MDN1: variants seen among roughly 807,000 people sequenced by gnomAD.
The protein encoded by MDN1 is midasin.
A neutral mutation model predicts 669.2 loss-of-function variants in MDN1; 266 were observed. The ratio of observed to expected loss-of-function variants is 0.40; its 90% CI spans 0.36 to 0.44. MDN1 has a LOEUF of 0.44. Ranked by LOEUF, MDN1 falls within the 20% of genes least tolerant of loss-of-function variation. The pLI, the probability that MDN1 is intolerant of heterozygous loss-of-function variation, is 1.00. For missense variants in MDN1, 5,940 were observed against 6,754.0 expected (o/e 0.88, Z 4.22); for synonymous variants, 2,385 against 2,457.1 (o/e 0.97, Z 0.87).
chr6:89,702,076 T>C lies in MDN1; in HGVS notation c.8149-15A>G, dbSNP rs772191360. 2 of 1,571,414 alleles carry C rather than the reference T, an allele frequency of 1.3e-6. No homozygotes were observed. The highest frequency in any genetic ancestry group is 1.4e-5 in the African/African-American group (1 of 72,450). On this transcript the variant is annotated splice_polypyrimidine_tract_variant and intron_variant, in intron 53 of 101. Transcript: ENST00000369393. ...GAACCTAAGATCTAAAAACAAAGTCTCTTAGATAAGATGGCATGAAGAAAG... is the reference window on the plus strand; with the variant it reads ...GAACCTAAGATCTAAAAACAAAGTCCCTTAGATAAGATGGCATGAAGAAAG...
chr6:89,750,147 G>A (rs1027891938), intron 24 of MDN1, among the ~76,000 whole-genome samples: 24 of 152,102 alleles, frequency 1.6e-4, no homozygotes, highest in Non-Finnish European at 3.1e-4. Context: ...CCCTAGTCCT[G>A]TATACAGCCA....
intron 16 of MDN1, 58 bp downstream of exon 16, chr6:89,762,261 T>A (rs924913735): frequency 4.3e-6 from 6 of 1,404,032 alleles, no homozygotes; most frequent in Non-Finnish European, 5.9e-6. Flanking sequence ...AAAACTAATA[T>A]GTTAACTAAA....
chr6:89,809,711 G>A (rs1768253521), intron 1 of MDN1, among the ~76,000 whole-genome samples: 1 of 151,076 alleles, frequency 6.6e-6, no homozygotes, highest in South Asian at 2.1e-4. Flanking sequence ...AGGAAGCAGA[G>A]GTTGCAGTAA....
chr6:89,688,039 G>T, intron 67 of MDN1, 39 bp downstream of exon 67: 3 of 1,538,250 alleles, frequency 2.0e-6, no homozygotes, highest in South Asian at 2.2e-5. Context: ...TTTGCCAACT[G>T]ACCACCAACT....
At chr6:89,687,621 T>C (rs889659761) in intron 67 of MDN1, among the ~76,000 whole-genome samples, 183 bp from the exon 68 acceptor site, 1 of 152,190 alleles carries the variant, frequency 6.6e-6, no homozygotes, top group African/African-American at 2.4e-5. Flanking sequence ...ATGACAGAAC[T>C]CCACCAGAGC....
chr6:89,668,446 A>G (rs888443269), intron 83 of MDN1, among the ~76,000 whole-genome samples: 1 of 152,238 alleles, frequency 6.6e-6, no homozygotes, highest in African/African-American at 2.4e-5. Context: ...GAAGTATACT[A>G]GAAGGACAGT....
At position 89,730,745 on chromosome 6, in the gene MDN1, A is replaced by T; in HGVS notation, c.5121T>A (p.His1707Gln). Reference sequence around the variant, plus strand: ...TCTTACCCCTTGGTATAAAAAATGGATGAATTCCCCAAAGGTTATCTATTC... The same window carrying T: ...TCTTACCCCTTGGTATAAAAAATGGTTGAATTCCCCAAAGGTTATCTATTC... The part of the protein sequence containing the change: ...FTGIDNLWGI[H>Q]PFFIPRGPVL... The change falls in exon 35 of 102, where the codon CAT becomes CAA. Residue 1707 changes from histidine to glutamine, a missense_variant. Transcript: ENST00000369393. 6.2e-7 allele frequency: 1 copy of T among 1,613,134 alleles called. No homozygotes were observed. The highest frequency in any genetic ancestry group is 8.5e-7 in the Non-Finnish European group (1 of 1,179,764).
At chr6:89,790,082 C>A in intron 6 of MDN1, 77 bp downstream of exon 6, 1 of 1,603,104 alleles carries the variant, frequency 6.2e-7, no homozygotes, top group East Asian at 2.2e-5. Flanking sequence ...TTGTTATATT[C>A]CCTTAGCAAA....
intron 40 of MDN1, 52 bp from the exon 41 acceptor site, chr6:89,719,277 T>C (rs529098479): frequency 1.0e-5 from 15 of 1,454,302 alleles, no homozygotes; most frequent in Middle Eastern, 1.8e-4. Context: ...ACCTAATTCT[T>C]AGGCAAACTT....
At chr6:89,673,728 T>G (rs1164337042) in intron 79 of MDN1, among the ~76,000 whole-genome samples, 1 of 151,412 alleles carries the variant, frequency 6.6e-6, no homozygotes. Flanking sequence ...ATGATAAATT[T>G]ATTCCATTAA....
At chr6:89,714,050 A>G (rs1814152999) in intron 46 of MDN1, among the ~76,000 whole-genome samples, 2 of 148,006 alleles carry the variant, frequency 1.4e-5, no homozygotes, top group Non-Finnish European at 1.5e-5. Context: ...AAAAAAAAGA[A>G]AAAAAAAAAA....
chr6:89,805,327 A>G (rs1767946374), intron 1 of MDN1, among the ~76,000 whole-genome samples: 1 of 152,130 alleles, frequency 6.6e-6, no homozygotes, highest in Admixed American at 6.6e-5. Context: ...AGATCCCTTA[A>G]GCCGACGAGT....
intron 9 of MDN1, among the ~76,000 whole-genome samples, chr6:89,781,950 G>C (rs968025085): frequency 6.6e-6 from 1 of 152,006 alleles, no homozygotes; most frequent in East Asian, 1.9e-4. Flanking sequence ...ATGCCTAGGT[G>C]ACAGAACAAG....
intron 2 of MDN1, among the ~76,000 whole-genome samples, chr6:89,795,260 A>G (rs547922764): frequency 1.3e-5 from 2 of 152,310 alleles, no homozygotes; most frequent in South Asian, 4.1e-4. Flanking sequence ...TCAAAACCAA[A>G]TAGATACTCT....
intron 67 of MDN1, 147 bp downstream of exon 67, chr6:89,687,931 T>C: frequency 1.3e-6 from 1 of 742,138 alleles, no homozygotes; most frequent in Non-Finnish European, 2.3e-6. Flanking sequence ...TCACTTGCAA[T>C]GATCTCACCC....
chr6:89,718,575 A>ACAGTT lies in MDN1; in HGVS notation c.6369_6373dup (p.Val2125GlufsTer3). The ACAGTT allele has an allele frequency of 6.2e-7, 1 of 1,614,098 alleles. No individual in the cohort carries two copies. The highest frequency in any genetic ancestry group is 1.1e-5 in the South Asian group (1 of 91,080). ...GAGGCTATCCCTTAACAGTGCCCTT[A>ACAGTT]CAGTTCCCTCCACCTTCTCTAGCAG... is the stretch of plus-strand genomic sequence containing the variant. On this transcript the variant is annotated frameshift_variant, in exon 43 of 102. Coordinates refer to ENST00000369393, the MANE Select transcript of MDN1 (RefSeq NM_014611.3). LOFTEE classifies it high-confidence loss of function.
At chr6:89,780,977 T>A (rs1009882526) in intron 10 of MDN1, among the ~76,000 whole-genome samples, 3 of 151,738 alleles carry the variant, frequency 2.0e-5, no homozygotes, top group Non-Finnish European at 4.4e-5. Context: ...TAATTCTCAC[T>A]TCTCAAAGGG....
intron 4 of MDN1, 63 bp downstream of exon 4, chr6:89,794,037 C>T (rs1819431434): frequency 6.9e-6 from 10 of 1,442,648 alleles, no homozygotes; most frequent in Non-Finnish European, 8.5e-6. Context: ...GGCCTGTCAC[C>T]CCCAGAAAAG....
At chr6:89,646,044 T>C (rs1157893546) in intron 100 of MDN1, among the ~76,000 whole-genome samples, 1 of 152,176 alleles carries the variant, frequency 6.6e-6, no homozygotes, top group Non-Finnish European at 1.5e-5. Flanking sequence ...ACCCCCAGTA[T>C]ACCAGAATAC....
Sources: gnomAD v4.1 joint callset for allele counts (sites outside exome capture counted in the v4.1 genomes callset) on GRCh38, gnomAD v4.1.1 for gene constraint, MANE v1.5 for transcripts, NCBI Gene and HGNC (gene_info 2026-07-23, HGNC 2026-07-21) for gene names.